TUB: variants seen among roughly 807,000 people sequenced by gnomAD.
TUB encodes TUB bipartite transcription factor.
TUB carries 33 observed loss-of-function variants against 59.7 expected under a neutral mutation model. The ratio of observed to expected loss-of-function variants is 0.55; its 90% CI spans 0.42 to 0.74. TUB has a LOEUF of 0.74. TUB is among the 30% of genes least tolerant of loss of function. The pLI, the probability that TUB is intolerant of heterozygous loss-of-function variation, is 0.00. For missense variants in TUB, 659 were observed against 672.0 expected, an observed-to-expected ratio of 0.98 and a Z score of 0.21; for synonymous variants, 293 against 256.4, an observed-to-expected ratio of 1.14 and a Z score of -1.36.
intron 2 of TUB, among the ~76,000 whole-genome samples, chr11:8,056,764 G>GT (rs1233657843): frequency 1.3e-5 from 2 of 151,994 alleles, no homozygotes; most frequent in Non-Finnish European, 2.9e-5. Flanking sequence ...GGTATATGGG[G>GT]TGACATGTTG....
intron 2 of TUB, among the ~76,000 whole-genome samples, chr11:8,049,187 G>A (rs1942887553): frequency 1.3e-5 from 2 of 152,060 alleles, no homozygotes; most frequent in Admixed American, 6.5e-5. Flanking sequence ...AAACCCTATG[G>A]CATAGTCTTC....
rs569976126 is a variant in TUB, at chr11:8,104,545, T to C, written c.*2926T>C. On this transcript the variant is annotated 3_prime_UTR_variant, in exon 12 of 12. Coordinates refer to ENST00000299506, the MANE Select transcript of TUB (RefSeq NM_177972.3). ...TGAATGAGTAGGAAAGGAATAAGGA[T>C]GTTGTTATGATCGCCTGTGGATTTT... The C allele has an allele frequency of 6.6e-6, 1 of 152,304 alleles. No homozygotes were observed. The highest frequency in any genetic ancestry group is 6.5e-5 in the Admixed American group (1 of 15,300). 9.4% of individuals were successfully genotyped at this position (152,304 alleles called of 1,614,324 possible). A position where few individuals can be genotyped will look rare whatever the true frequency, so the allele number is the denominator to read the frequency against.
Position 8,097,765 on chromosome 11 carries a change from C to G in TUB, c.937C>G (p.Leu313Val). 6.2e-7 allele frequency: 1 copy of G among 1,614,060 alleles called. No individual in the cohort carries two copies. The change falls in exon 8 of 12, where the codon CTC becomes GTC. Residue 313 changes from leucine to valine, a missense_variant. Physicochemically the swap from Leu to Val is conservative, Grantham distance 32 (BLOSUM62 1). Coordinates refer to ENST00000299506, the MANE Select transcript of TUB (RefSeq NM_177972.3). ...AAAGAAGAGTAAAACTTCCAATTAC[C>G]TCATCTCTGTGGACCCAACAGACTT... Reference protein sequence around the residue: ...KRKKSKTSNYLISVDPTDLSR... With the variant: ...KRKKSKTSNYVISVDPTDLSR...
At chr11:8,028,356 G>T (rs1334291060) in intron 1 of TUB, among the ~76,000 whole-genome samples, 2 of 152,132 alleles carry the variant, frequency 1.3e-5, no homozygotes, top group Non-Finnish European at 2.9e-5. Context: ...CTTCTCAGAT[G>T]TATGATTTGC....
chr11:8,074,739 CTTTTTTTTTTTT>C (rs1157516500), intron 2 of TUB, among the ~76,000 whole-genome samples: 4 of 60,618 alleles, frequency 6.6e-5, no homozygotes, highest in Non-Finnish European at 1.2e-4. Context: ...GACCTCGTGT[CTTTTTTTTTTTT>C]TTTTTTTTTT....
At chr11:8,090,565 A>G (rs1943752706) in intron 3 of TUB, among the ~76,000 whole-genome samples, 1 of 152,194 alleles carries the variant, frequency 6.6e-6, no homozygotes, top group Non-Finnish European at 1.5e-5. Context: ...CCTGCTCCCC[A>G]CCAGTATTCT....
intron 1 of TUB, chr11:8,039,626 C>A (rs1589926560): frequency 1.4e-6 from 2 of 1,474,804 alleles, no homozygotes; most frequent in East Asian, 2.6e-5. Flanking sequence ...GGAGAGTCAC[C>A]CCTTCTTTTC....
At chr11:8,052,816 T>C (rs1942954590) in intron 2 of TUB, among the ~76,000 whole-genome samples, 1 of 152,214 alleles carries the variant, frequency 6.6e-6, no homozygotes, top group Non-Finnish European at 1.5e-5. Context: ...GTTTCTGATA[T>C]GTAGAAAAGC....
intron 2 of TUB, among the ~76,000 whole-genome samples, chr11:8,056,141 C>G (rs1283813306): frequency 6.6e-6 from 1 of 152,198 alleles, no homozygotes; most frequent in African/African-American, 2.4e-5. Flanking sequence ...CTTCTCAGCT[C>G]TCTGAAGTCC....
intron 2 of TUB, among the ~76,000 whole-genome samples, chr11:8,051,726 A>G (rs912893657): frequency 5.3e-5 from 8 of 152,282 alleles, no homozygotes; most frequent in African/African-American, 1.7e-4. Context: ...TGGCTTCTGG[A>G]TTTAGGAACA....
Position 8,103,899 on chromosome 11 carries a change from T to G in TUB, c.*2280T>G, listed in dbSNP as rs1240351075. On this transcript the variant is annotated 3_prime_UTR_variant, in exon 12 of 12. Coordinates refer to ENST00000299506, the MANE Select transcript of TUB (RefSeq NM_177972.3). Reference sequence around the variant, plus strand: ...CAAAGGAAAACTCTTGGCCTCTGCTTTCTCCTGTAGCACAAAGAGGGAGTT... The same window carrying G: ...CAAAGGAAAACTCTTGGCCTCTGCTGTCTCCTGTAGCACAAAGAGGGAGTT... 6.6e-6 allele frequency: 1 copy of G among 152,242 alleles called. No homozygotes were observed. Among genetic ancestry groups the G allele is most frequent in the Non-Finnish European group, 1.5e-5 (1 of 68,030 alleles). The allele number at this position is 152,242 out of a possible 1,614,324, so 9.4% of individuals were successfully genotyped here.
chr11:8,033,165 C>T (rs1331325537), intron 1 of TUB, among the ~76,000 whole-genome samples: 1 of 152,224 alleles, frequency 6.6e-6, no homozygotes, highest in Non-Finnish European at 1.5e-5. Context: ...CTTCCACACC[C>T]TGGGGCCCAT....
rs1288990032 is a variant in TUB, at chr11:8,104,813, T to G, written c.*3194T>G. 5 of 152,158 alleles carry G rather than the reference T, an allele frequency of 3.3e-5. No homozygotes were observed. The highest frequency in any genetic ancestry group is 7.3e-5 in the Non-Finnish European group (5 of 68,038). The allele number at this position is 152,158 out of a possible 1,614,324, so 9.4% of individuals were successfully genotyped here. A position where few individuals can be genotyped will look rare whatever the true frequency, so the allele number is the denominator to read the frequency against. On this transcript the variant is annotated 3_prime_UTR_variant, in exon 12 of 12. Coordinates refer to ENST00000299506, the MANE Select transcript of TUB (RefSeq NM_177972.3). ...AGAGGAAGCACATAATGTCCAGATC[T>G]ATGGCGAACACAGGTGTTGGAAGCC...
rs570093075 is a variant in TUB at position 8,058,244 on chromosome 11, G to A, written c.203+18552G>A. ...TTAAAAAAAAAAAAAAAAAGAAGCG[G>A]TATAAATTTAACATTAAACAAGTTA... On this transcript the variant is annotated intron_variant, in intron 2 of 12. Transcript: ENST00000305253. 1.4e-3 allele frequency among the ~76,000 whole-genome samples: 209 copies of A among 151,400 alleles called. 1 individual carries two copies. The highest frequency in any genetic ancestry group is 4.8e-3 in the African/African-American group (198 of 41,210).
intron 2 of TUB, among the ~76,000 whole-genome samples, chr11:8,049,469 A>T (rs1176441967): frequency 6.6e-6 from 1 of 151,950 alleles, no homozygotes; most frequent in African/African-American, 2.4e-5. Context: ...GGCCCAGCAA[A>T]GAGACAATGC....
At chr11:8,039,514 CACCT>C in intron 1 of TUB, 1 of 718,360 alleles carries the variant, frequency 1.4e-6, no homozygotes, top group South Asian at 3.1e-5. Context: ...TCACGTAACT[CACCT>C]ACTGAGGCAG....
chr11:8,084,519 C>A (rs1170609678), intron 1 of TUB, among the ~76,000 whole-genome samples: 1 of 152,168 alleles, frequency 6.6e-6, no homozygotes, highest in Non-Finnish European at 1.5e-5. Flanking sequence ...GACTGCGGCC[C>A]ACGGCGTATT....
chr11:8,081,153 T>TGCGGGGCGGG (rs1166798800), upstream of TUB, among the ~76,000 whole-genome samples: 2 of 8,960 alleles, frequency 2.2e-4, no homozygotes, highest in African/African-American at 8.8e-4. Flanking sequence ...GTGGGGTCTC[T>TGCGGGGCGGG]GCGGGGCGGG....
At chr11:8,083,277 G>A (rs534982594) in intron 1 of TUB, among the ~76,000 whole-genome samples, 1 of 152,278 alleles carries the variant, frequency 6.6e-6, no homozygotes, top group African/African-American at 2.4e-5. Flanking sequence ...GCCATGGACC[G>A]AGGAGGGTGG....
Sources: allele counts gnomAD v4.1 joint callset (sites outside exome capture counted in the v4.1 genomes callset), GRCh38; gene constraint gnomAD v4.1.1; transcripts MANE v1.5; gene names NCBI Gene and HGNC (gene_info 2026-07-23, HGNC 2026-07-21).